The following MTSS1 variants were observed in gnomAD, a reference collection of about 807,000 sequenced individuals.
MTSS1 encodes protein MTSS 1.
A neutral mutation model predicts 79.0 loss-of-function variants in MTSS1; 18 were observed. That is an observed-to-expected ratio of 0.23 (90% CI 0.16 to 0.34). The LOEUF (loss-of-function observed/expected upper bound fraction) is 0.34. Ranked by LOEUF, MTSS1 falls within the 10% of genes least tolerant of loss-of-function variation. The probability of loss-of-function intolerance (pLI) is 1.00; values close to 1 mark genes in which losing one functional copy is unlikely to be tolerated. For missense variants in MTSS1, 815 were observed against 986.2 expected (o/e 0.83, Z 2.33); for synonymous variants, 341 against 368.6 (o/e 0.93, Z 0.86).
chr8:124,653,259 G>A (rs144584369), intron 3 of MTSS1, among the ~76,000 whole-genome samples: 1 of 152,344 alleles, frequency 6.6e-6, no homozygotes, highest in Non-Finnish European at 1.5e-5. Flanking sequence ...GTTGGGGACA[G>A]TACAGGAAGT....
intron 3 of MTSS1, among the ~76,000 whole-genome samples, chr8:124,615,428 T>C (rs1330903442): frequency 1.3e-5 from 2 of 152,168 alleles, no homozygotes; most frequent in African/African-American, 4.8e-5. Flanking sequence ...CAACACTGGA[T>C]GAGCTCTGAG....
At chr8:124,642,244 T>A (rs1414162369) in intron 3 of MTSS1, among the ~76,000 whole-genome samples, 1 of 152,262 alleles carries the variant, frequency 6.6e-6, no homozygotes, top group Non-Finnish European at 1.5e-5. Context: ...AGGCTTTTTT[T>A]AATTTAACGA....
intron 4 of MTSS1, among the ~76,000 whole-genome samples, chr8:124,590,904 G>C (rs1484163203): frequency 6.6e-6 from 1 of 152,242 alleles, no homozygotes; most frequent in East Asian, 1.9e-4. Context: ...CAGACAAAGG[G>C]TAAGGAGAGA....
rs140403310 is a variant in MTSS1, at chr8:124,582,140, G to C, written c.460+2947C>G. On this transcript the variant is annotated intron_variant, in intron 6 of 13. Transcript: ENST00000518547. The surrounding 1 kb of genome is among the most constrained non-coding windows in gnomAD (Gnocchi z 4.8). The stretch of plus-strand genomic sequence containing the variant: ...TGAGGACTGGCTAACTCCTTGCCTC[G>C]TGTTTACTTCTAGTAGGCATCTGAC... 2.6e-5 allele frequency among the ~76,000 whole-genome samples: 4 copies of C among 152,094 alleles called. No individual in the cohort carries two copies. The highest frequency in any genetic ancestry group is 4.4e-5 in the Non-Finnish European group (3 of 68,036).
intron 3 of MTSS1, among the ~76,000 whole-genome samples, chr8:124,622,373 G>A (rs1202122896): frequency 6.6e-6 from 1 of 151,048 alleles, no homozygotes; most frequent in African/African-American, 2.4e-5. Flanking sequence ...AGGCAGATAT[G>A]CAAGATGCAT....
At chr8:124,578,155 G>A (rs575383211) in intron 6 of MTSS1, among the ~76,000 whole-genome samples, 13 of 152,274 alleles carry the variant, frequency 8.5e-5, no homozygotes, top group African/African-American at 2.9e-4. Flanking sequence ...AGGTCAGTGT[G>A]GGGTGGGGAG....
chr8:124,663,024 C>T (rs1229809743), intron 3 of MTSS1, among the ~76,000 whole-genome samples: 2 of 152,130 alleles, frequency 1.3e-5, no homozygotes, highest in African/African-American at 4.8e-5. Flanking sequence ...CACTGGATAT[C>T]AGTATCTGGG....
At chr8:124,556,759 C>T (rs1182553015) in intron 11 of MTSS1, among the ~76,000 whole-genome samples, 5 of 152,262 alleles carry the variant, frequency 3.3e-5, no homozygotes, top group Middle Eastern at 3.2e-3. Context: ...AAGGGACCAG[C>T]GCTCCTTAAC....
intron 1 of MTSS1, among the ~76,000 whole-genome samples, chr8:124,705,648 C>A (rs1830283516): frequency 6.6e-6 from 1 of 152,154 alleles, no homozygotes; most frequent in South Asian, 2.1e-4. Context: ...TGAGGTTAAT[C>A]AACTCATCTT....
At chr8:124,632,671 G>A (rs933624174) in intron 3 of MTSS1, among the ~76,000 whole-genome samples, 6 of 152,142 alleles carry the variant, frequency 3.9e-5, no homozygotes, top group Non-Finnish European at 7.4e-5. Flanking sequence ...TTGTTTGTTT[G>A]TTTGTTTGTT....
intron 3 of MTSS1, among the ~76,000 whole-genome samples, chr8:124,615,278 A>G (rs1026058244): frequency 1.3e-5 from 2 of 152,144 alleles, no homozygotes; most frequent in Non-Finnish European, 2.9e-5. Context: ...GCAAATGGAG[A>G]GCGGTGGAAA....
intron 13 of MTSS1, among the ~76,000 whole-genome samples, chr8:124,554,957 C>T (rs1442765626): frequency 2.6e-5 from 4 of 152,156 alleles, no homozygotes; most frequent in African/African-American, 9.7e-5. Flanking sequence ...AGTCCTCCCA[C>T]CTCAGCCTCC....
chr8:124,642,237 CT>C (rs1342226937), intron 3 of MTSS1, among the ~76,000 whole-genome samples: 1 of 152,116 alleles, frequency 6.6e-6, no homozygotes, highest in Non-Finnish European at 1.5e-5. Flanking sequence ...AAATTGAAGG[CT>C]TTTTTTAATT....
intron 3 of MTSS1, among the ~76,000 whole-genome samples, chr8:124,631,040 T>C (rs538885727): frequency 6.6e-6 from 1 of 152,122 alleles, no homozygotes; most frequent in Non-Finnish European, 1.5e-5. Context: ...GAAACATGTG[T>C]ATAAGAAAGG....
intron 6 of MTSS1, among the ~76,000 whole-genome samples, chr8:124,578,185 AGGCTGAGTAGCCAGG>A (rs1424215771): frequency 6.6e-6 from 1 of 152,128 alleles, no homozygotes; most frequent in Non-Finnish European, 1.5e-5. Flanking sequence ...AGGAAGCCAG[AGGCTGAGTAGCCAGG>A]GGTCACTATG....
rs201366623 is a variant in MTSS1, at chr8:124,565,892, A to T, written c.727-133T>A. The T allele has an allele frequency of 7.3e-3, 4,496 of 616,660 alleles. 24 individuals are homozygous for T. The highest frequency in any genetic ancestry group is 0.01 in the Non-Finnish European group (3,775 of 365,584). The allele number at this position is 616,660 out of a possible 1,614,324, so 38.2% of individuals were successfully genotyped here. A position where few individuals can be genotyped will look rare whatever the true frequency, so the allele number is the denominator to read the frequency against. ...GAATGAAAGCAAAACATGTTAAAAA[A>T]ATTTTTTTTAAATTGAAGAGCCACA... On this transcript the variant is annotated intron_variant, in intron 8 of 13. Coordinates refer to ENST00000518547, the MANE Select transcript of MTSS1 (RefSeq NM_014751.6).
chr8:124,699,359 A>G, intron 3 of MTSS1, 167 bp downstream of exon 3: 1 of 593,976 alleles, frequency 1.7e-6, no homozygotes, highest in Non-Finnish European at 3.0e-6. Flanking sequence ...CCAGAAAACT[A>G]GTTGCAACTT....
intron 11 of MTSS1, 115 bp from the exon 12 acceptor site, chr8:124,556,520 G>A (rs60522958): frequency 0.12 from 146,459 of 1,206,274 alleles, 9,719 homozygotes; most frequent in Middle Eastern, 0.17. Context: ...GGGAACCTCC[G>A]GCTGGGACAA....
chr8:124,672,707 A>G (rs1210769698), intron 3 of MTSS1, among the ~76,000 whole-genome samples: 1 of 151,974 alleles, frequency 6.6e-6, no homozygotes, highest in Non-Finnish European at 1.5e-5. Context: ...CTACTTGGGA[A>G]GCTGAGGTGG....
Sources: gnomAD v4.1 joint callset for allele counts (sites outside exome capture counted in the v4.1 genomes callset) on GRCh38, gnomAD v4.1.1 for gene constraint, Gnocchi (gnomAD v3.1) non-coding constraint, MANE v1.5 for transcripts, NCBI Gene and HGNC (gene_info 2026-07-23, HGNC 2026-07-21) for gene names.